The following CADM2 variants were observed in gnomAD, a reference collection of about 807,000 sequenced individuals.
CADM2 encodes the protein immunoglobulin superfamily member 4D.
In CADM2, 12 loss-of-function variants were observed where a neutral mutation model predicts 49.8. That is an observed-to-expected ratio of 0.24 (90% confidence interval 0.15 to 0.39). The LOEUF (loss-of-function observed/expected upper bound fraction) is 0.39, where lower values mean the gene tolerates loss of function less well. CADM2 is among the 10% of genes least tolerant of loss of function. The pLI is 1.00. For synonymous variants in CADM2, 214 were observed against 175.4 expected (o/e 1.22, Z -1.74); for missense variants, 378 against 492.3 (o/e 0.77, Z 2.20).
At chr3:85,526,325 C>A (rs1056476319) in intron 1 of CADM2, among the ~76,000 whole-genome samples, 1 of 151,654 alleles carries the variant, frequency 6.6e-6, no homozygotes, top group African/African-American at 2.4e-5. Context: ...GAGAGTAGTT[C>A]TTTATGTAGT....
chr3:85,220,766 G>T (rs1173554812), intron 1 of CADM2, among the ~76,000 whole-genome samples: 3 of 151,840 alleles, frequency 2.0e-5, no homozygotes, highest in Non-Finnish European at 2.9e-5. Flanking sequence ...AATGATCAGG[G>T]TTACTGAGAA....
chr3:85,394,382 T>G (rs1158362474), intron 1 of CADM2, among the ~76,000 whole-genome samples: 1 of 152,156 alleles, frequency 6.6e-6, no homozygotes, highest in East Asian at 1.9e-4. Flanking sequence ...ATATGAAAAC[T>G]TATGCATTAT....
chr3:85,497,759 A>G (rs1243079319), intron 1 of CADM2, among the ~76,000 whole-genome samples: 1 of 152,092 alleles, frequency 6.6e-6, no homozygotes, highest in Non-Finnish European at 1.5e-5. Flanking sequence ...GGGTTGTGGG[A>G]CAGATGTAGA....
At chr3:85,889,652 A>T (rs1008011959) in intron 5 of CADM2, among the ~76,000 whole-genome samples, 17 of 152,286 alleles carry the variant, frequency 1.1e-4, no homozygotes, top group African/African-American at 4.1e-4. Flanking sequence ...GTATAAAATG[A>T]TATGTATGAA....
chr3:85,014,438 CAT>C (rs2034154646), intron 1 of CADM2, among the ~76,000 whole-genome samples: 1 of 147,484 alleles, frequency 6.8e-6, no homozygotes, highest in Non-Finnish European at 1.5e-5. Flanking sequence ...AGGAAAAAAA[CAT>C]AGTGTGCATA....
Position 85,085,479 on chromosome 3 carries a change from ACAC to A in CADM2, c.61+125815_61+125817del, listed in dbSNP as rs1352499903. Among the ~76,000 whole-genome samples, 4 of 152,212 alleles carry A rather than the reference ACAC, an allele frequency of 2.6e-5. No homozygotes were observed. The East Asian group carries it at 7.7e-4, about 29-fold the overall frequency. On this transcript the variant is annotated intron_variant, in intron 1 of 9. Coordinates refer to ENST00000383699, the MANE Select transcript of CADM2 (RefSeq NM_001167675.2). ...TATGTATGTATGTGTGTTTGTGTACACACCACATTTTCTTTATTCATTCATCAT... is the reference window on the plus strand; with the variant it reads ...TATGTATGTATGTGTGTTTGTGTACACACATTTTCTTTATTCATTCATCAT...
At chr3:85,649,475 A>G (rs1390973373) in intron 1 of CADM2, among the ~76,000 whole-genome samples, 1 of 152,212 alleles carries the variant, frequency 6.6e-6, no homozygotes, top group Non-Finnish European at 1.5e-5. Context: ...AAATCGATAA[A>G]GAAAACATAT....
At chr3:85,956,781 C>T (rs1451814494) in intron 7 of CADM2, among the ~76,000 whole-genome samples, 1 of 150,722 alleles carries the variant, frequency 6.6e-6, no homozygotes, top group Non-Finnish European at 1.5e-5. Context: ...TACATATTTA[C>T]AGAGCCATTT....
At chr3:85,367,020 T>C (rs2032836107) in intron 1 of CADM2, among the ~76,000 whole-genome samples, 1 of 151,990 alleles carries the variant, frequency 6.6e-6, no homozygotes, top group African/African-American at 2.4e-5. Flanking sequence ...TTAACTGATT[T>C]CTCAAATAAA....
chr3:85,680,444 A>T (rs962627840), intron 1 of CADM2, among the ~76,000 whole-genome samples: 1 of 152,184 alleles, frequency 6.6e-6, no homozygotes, highest in East Asian at 1.9e-4. Flanking sequence ...ATCCCATATA[A>T]TCCGTCTCCA....
Position 85,199,708 on chromosome 3 carries a change from A to C in CADM2, c.61+240040A>C, listed in dbSNP as rs111433020. Among the ~76,000 whole-genome samples the C allele has an allele frequency of 6.9e-3, 1,051 of 152,076 alleles. 10 individuals are homozygous for C. The highest frequency in any genetic ancestry group is 0.023 in the African/African-American group (962 of 41,530). ...ATGCACAGATTTAATTGTTTGGATA[A>C]AATAAGGAAGTTCATAAAATTTCTA... On this transcript the variant is annotated intron_variant, in intron 1 of 9. Coordinates refer to ENST00000383699, the MANE Select transcript of CADM2 (RefSeq NM_001167675.2).
intron 8 of CADM2, among the ~76,000 whole-genome samples, chr3:86,003,538 C>G (rs1249843425): frequency 6.6e-6 from 1 of 152,018 alleles, no homozygotes; most frequent in African/African-American, 2.4e-5. Flanking sequence ...TTGCTGTGAG[C>G]GTAATTAATA....
chr3:85,187,993 CAATT>C (rs1386478229), intron 1 of CADM2, among the ~76,000 whole-genome samples: 11 of 151,630 alleles, frequency 7.3e-5, no homozygotes, highest in African/African-American at 2.7e-4. Flanking sequence ...TAGATTCTCA[CAATT>C]AACAATGAAA....
At chr3:85,316,479 C>T (rs2044467067) in intron 1 of CADM2, among the ~76,000 whole-genome samples, 1 of 152,058 alleles carries the variant, frequency 6.6e-6, no homozygotes, top group Admixed American at 6.6e-5. Flanking sequence ...CTGTGGCTTC[C>T]TCCAGCTTAA....
Position 86,053,650 on chromosome 3 carries a change from G to A in CADM2, c.971-11955G>A, listed in dbSNP as rs1003282083. ...CTATCCTCTTGATAGCAACTTTCCC[G>A]TATGAAAATTCTCTTATGCTGGTCT... On this transcript the variant is annotated intron_variant, in intron 8 of 9. Transcript: ENST00000383699. Among the ~76,000 whole-genome samples, 5 of 151,942 alleles carry A rather than the reference G, an allele frequency of 3.3e-5. No homozygotes were observed. In the East Asian group the frequency reaches 5.8e-4, roughly 18 times the overall value.
intron 3 of CADM2, among the ~76,000 whole-genome samples, chr3:85,836,923 C>G (rs1394855992): frequency 4.0e-5 from 6 of 151,524 alleles, no homozygotes; most frequent in Non-Finnish European, 8.9e-5. Flanking sequence ...TTTCAGGTGG[C>G]TTCTAATTCA....
At chr3:85,249,113 A>G (rs2042718620) in intron 1 of CADM2, among the ~76,000 whole-genome samples, 1 of 152,160 alleles carries the variant, frequency 6.6e-6, no homozygotes, top group Non-Finnish European at 1.5e-5. Flanking sequence ...TGTGAGACAA[A>G]ATAAGGTGTT....
At chr3:85,648,676 C>A (rs1329616689) in intron 1 of CADM2, among the ~76,000 whole-genome samples, 1 of 151,898 alleles carries the variant, frequency 6.6e-6, no homozygotes, top group East Asian at 1.9e-4. Context: ...ATGTTATAGT[C>A]CTAAGAAGAA....
intron 1 of CADM2, among the ~76,000 whole-genome samples, chr3:85,591,474 G>A (rs950637209): frequency 6.6e-6 from 1 of 151,960 alleles, no homozygotes; most frequent in Non-Finnish European, 1.5e-5. Context: ...GATTTATGGT[G>A]ACTAGGATTT....
Sources: allele counts gnomAD v4.1 joint callset (sites outside exome capture counted in the v4.1 genomes callset), GRCh38; gene constraint gnomAD v4.1.1; transcripts MANE v1.5; gene names NCBI Gene and HGNC (gene_info 2026-07-23, HGNC 2026-07-21).